The following PCTP variants were observed in gnomAD, a reference collection of about 807,000 sequenced individuals.
PCTP encodes the protein phosphatidylcholine transfer protein.
A neutral mutation model predicts 31.0 loss-of-function variants in PCTP; 27 were observed. The observed-to-expected ratio is 0.87, with a 90% CI of 0.64 to 1.20. The LOEUF (loss-of-function observed/expected upper bound fraction) is 1.20. Ranked by LOEUF, PCTP falls within the 50% of genes most tolerant of loss-of-function variation. The pLI, the probability that PCTP is intolerant of heterozygous loss-of-function variation, is 0.00. For synonymous variants in PCTP, 108 were observed against 101.2 expected (o/e 1.07, Z -0.40); for missense variants, 287 against 268.2 (o/e 1.07, Z -0.49).
intron 1 of PCTP, among the ~76,000 whole-genome samples, chr17:55,763,575 C>A (rs924085571): frequency 2.0e-5 from 3 of 151,212 alleles, no homozygotes; most frequent in Admixed American, 6.6e-5. Context: ...GTCTTCATAA[C>A]CTCAGTATAA....
chr17:55,825,852 G>A (rs552260192), downstream of PCTP, among the ~76,000 whole-genome samples: 5 of 152,262 alleles, frequency 3.3e-5, no homozygotes, highest in South Asian at 6.2e-4. Context: ...TTCTGACTGC[G>A]CTAATTCCAA....
Position 55,776,657 on chromosome 17 carries a change from T to G in PCTP, c.*557T>G, listed in dbSNP as rs181213847. ...TTGCCTTATGCTTTGTGGAGCTGAT[T>G]AGGCTGGGATTTGAGGTGATAATCC... On this transcript the variant is annotated 3_prime_UTR_variant, in exon 6 of 6. Transcript: ENST00000268896. 581 of 1,228,280 alleles carry G rather than the reference T, an allele frequency of 4.7e-4. 2 individuals carry two copies. The Middle Eastern group carries it at 5.0e-3, about 11-fold the overall frequency. 76.1% of individuals were successfully genotyped at this position (1,228,280 alleles called of 1,614,324 possible).
intron 3 of PCTP, among the ~76,000 whole-genome samples, chr17:55,801,485 G>A (rs1912378791): frequency 6.6e-6 from 1 of 152,116 alleles, no homozygotes; most frequent in African/African-American, 2.4e-5. Context: ...CTCAGCAAAT[G>A]TAAAAGAACG....
At chr17:55,771,837 G>A (rs1376929921) in intron 3 of PCTP, among the ~76,000 whole-genome samples, 1 of 152,080 alleles carries the variant, frequency 6.6e-6, no homozygotes, top group Non-Finnish European at 1.5e-5. Flanking sequence ...GAATTTTGGG[G>A]GTGGGTAGGA....
intron 5 of PCTP, 30 bp from the exon 6 acceptor site, chr17:55,776,005 A>G (rs1239508669): frequency 1.2e-6 from 2 of 1,613,212 alleles, no homozygotes. Context: ...CTGTGAAGAC[A>G]TAGAAATGAC....
At chr17:55,827,559 G>T (rs1328149879), downstream of PCTP, among the ~76,000 whole-genome samples, 1 of 152,208 alleles carries the variant, frequency 6.6e-6, no homozygotes, top group Non-Finnish European at 1.5e-5. Flanking sequence ...ATTTTAAAAA[G>T]ACCTACTGCT....
chr17:55,753,754 G>A (rs1219485377), intron 1 of PCTP, among the ~76,000 whole-genome samples: 1 of 152,168 alleles, frequency 6.6e-6, no homozygotes, highest in Non-Finnish European at 1.5e-5. Context: ...CATCTTCCCT[G>A]TATACAGACG....
At chr17:55,821,597 G>A (rs1913119613) in intron 3 of PCTP, among the ~76,000 whole-genome samples, 3 of 152,118 alleles carry the variant, frequency 2.0e-5, no homozygotes, top group African/African-American at 4.8e-5. Flanking sequence ...TAAATGCTAG[G>A]TACTGTGCTA....
At chr17:55,782,314 A>C (rs1911593235), downstream of PCTP, among the ~76,000 whole-genome samples, 1 of 152,180 alleles carries the variant, frequency 6.6e-6, no homozygotes, top group Non-Finnish European at 1.5e-5. Context: ...TGTTTTACCA[A>C]ATATCTGGAC....
At chr17:55,759,872 A>T (rs940441746) in intron 1 of PCTP, among the ~76,000 whole-genome samples, 1 of 152,216 alleles carries the variant, frequency 6.6e-6, no homozygotes, top group African/African-American at 2.4e-5. Flanking sequence ...GACACATCTC[A>T]TATGTAAATG....
Position 55,766,686 on chromosome 17 carries a change from A to G in PCTP, c.142-649A>G, listed in dbSNP as rs557029292. Reference sequence around the variant, plus strand: ...TTGTTGGACATTTGGGTTGGTTCCAAGTCTTTGCTATTGTGAATAGAGCCG... The same window carrying G: ...TTGTTGGACATTTGGGTTGGTTCCAGGTCTTTGCTATTGTGAATAGAGCCG... On this transcript the variant is annotated intron_variant, in intron 1 of 5. Coordinates refer to ENST00000268896, the MANE Select transcript of PCTP (RefSeq NM_021213.4). Among the ~76,000 whole-genome samples the G allele has an allele frequency of 3.9e-3, 590 of 152,194 alleles. 9 individuals are homozygous for G. Among genetic ancestry groups the G allele is most frequent in the African/African-American group, 0.013 (552 of 41,488 alleles).
At chr17:55,770,946 T>C in intron 2 of PCTP, 160 bp from the exon 3 acceptor site, 1 of 574,266 alleles carries the variant, frequency 1.7e-6, no homozygotes, top group Non-Finnish European at 3.1e-6. Flanking sequence ...TTTCCCAGGC[T>C]GGTCTTGAAC....
At chr17:55,788,349 C>T (rs1911825119) in intron 3 of PCTP, among the ~76,000 whole-genome samples, 1 of 152,108 alleles carries the variant, frequency 6.6e-6, no homozygotes, top group African/African-American at 2.4e-5. Context: ...TGGTTCCTTC[C>T]TTCTATGGAA....
chr17:55,824,411 GT>G (rs1233679202), downstream of PCTP, among the ~76,000 whole-genome samples: 20 of 152,194 alleles, frequency 1.3e-4, no homozygotes, highest in Non-Finnish European at 4.4e-5. Context: ...TACCTTTAGA[GT>G]TATTCCTTGT....
At chr17:55,813,535 G>A (rs931879097) in intron 3 of PCTP, among the ~76,000 whole-genome samples, 3 of 152,070 alleles carry the variant, frequency 2.0e-5, no homozygotes, top group Non-Finnish European at 4.4e-5. Context: ...GGCTTGTCTC[G>A]AACTCCTGAT....
At chr17:55,763,757 C>T (rs1910473645) in intron 1 of PCTP, among the ~76,000 whole-genome samples, 1 of 152,006 alleles carries the variant, frequency 6.6e-6, no homozygotes, top group Non-Finnish European at 1.5e-5. Flanking sequence ...TTTTTATAAA[C>T]TTTTTAATTA....
intron 3 of PCTP, among the ~76,000 whole-genome samples, chr17:55,801,451 C>T (rs1028525708): frequency 1.3e-5 from 2 of 152,034 alleles, no homozygotes; most frequent in African/African-American, 2.4e-5. Flanking sequence ...TAAAACTGAC[C>T]GCATAATTGG....
At position 55,776,630 on chromosome 17, in the gene PCTP, A is replaced by G. The variant is rs1374374996; in HGVS notation, c.*530A>G. Reference sequence around the variant, plus strand: ...CAAACTGGATGACGTGCCAATGTCCATTTGCCTTATGCTTTGTGGAGCTGA... The same window carrying G: ...CAAACTGGATGACGTGCCAATGTCCGTTTGCCTTATGCTTTGTGGAGCTGA... On this transcript the variant is annotated 3_prime_UTR_variant, in exon 6 of 6. Coordinates refer to ENST00000268896, the MANE Select transcript of PCTP (RefSeq NM_021213.4). 4.9e-6 allele frequency: 6 copies of G among 1,230,192 alleles called. No homozygotes were observed. The highest frequency in any genetic ancestry group is 6.1e-6 in the Non-Finnish European group (6 of 987,698). 76.2% of individuals were successfully genotyped at this position (1,230,192 alleles called of 1,614,324 possible).
At chr17:55,751,606 T>TG in intron 1 of PCTP, 9 of 482,670 alleles carry the variant, frequency 1.9e-5, no homozygotes, top group Non-Finnish European at 2.8e-5. Flanking sequence ...CAGTGGCATA[T>TG]GGGGGCTGGG....
Sources: gnomAD v4.1 joint callset for allele counts (sites outside exome capture counted in the v4.1 genomes callset) on GRCh38, gnomAD v4.1.1 for gene constraint, MANE v1.5 for transcripts, NCBI Gene and HGNC (gene_info 2026-07-23, HGNC 2026-07-21) for gene names.